The following FGFR2 variants were observed in gnomAD, a reference collection of about 807,000 sequenced individuals.
FGFR2 encodes the protein BEK fibroblast growth factor receptor.
In FGFR2, 19 loss-of-function variants were observed where a neutral mutation model predicts 95.9. The observed-to-expected ratio is 0.20, with a 90% CI of 0.14 to 0.29. The LOEUF (loss-of-function observed/expected upper bound fraction) is 0.29. Among genes scored for constraint, FGFR2 ranks in the 10% least tolerant of loss-of-function variants. The pLI is 1.00. For missense variants in FGFR2, 707 were observed against 1,056.9 expected, an observed-to-expected ratio of 0.67 and a Z score of 4.59; for synonymous variants, 392 against 393.3, an observed-to-expected ratio of 1.00 and a Z score of 0.04.
rs55723405 is a variant in FGFR2 at position 121,478,983 on chromosome 10, T to C, written c.*874A>G. The C allele has an allele frequency of 1.1e-4, 26 of 233,546 alleles. No individual in the cohort carries two copies. In the East Asian group the frequency reaches 1.6e-3, roughly 14 times the overall value. 14.5% of individuals were successfully genotyped at this position (233,546 alleles called of 1,614,324 possible). A position where few individuals can be genotyped will look rare whatever the true frequency, so the allele number is the denominator to read the frequency against. On this transcript the variant is annotated 3_prime_UTR_variant, in exon 18 of 18. Coordinates refer to ENST00000358487, the MANE Select transcript of FGFR2 (RefSeq NM_000141.5). ...CACACCAAAATGAAACACCTTCCTA[T>C]GAATGAGTTCTTTTAATATGGGGCA... is the stretch of plus-strand genomic sequence containing the variant.
At chr10:121,588,473 A>C (rs1246141276) in intron 2 of FGFR2, among the ~76,000 whole-genome samples, 1 of 152,130 alleles carries the variant, frequency 6.6e-6, no homozygotes, top group Non-Finnish European at 1.5e-5. Context: ...CAAGTCAGGG[A>C]GGAAGATGGT....
At chr10:121,535,642 G>A (rs1342579520) in intron 6 of FGFR2, among the ~76,000 whole-genome samples, 1 of 152,172 alleles carries the variant, frequency 6.6e-6, no homozygotes, top group African/African-American at 2.4e-5. Flanking sequence ...TACTTTAGGG[G>A]AGCCCATTTT....
intron 1 of FGFR2, among the ~76,000 whole-genome samples, chr10:121,594,755 G>T (rs1863186633): frequency 6.6e-6 from 1 of 152,232 alleles, no homozygotes; most frequent in Admixed American, 6.5e-5. Flanking sequence ...CTGTAGAAGG[G>T]TGAGGAAACT....
chr10:121,557,865 A>C (rs1402574032), intron 4 of FGFR2, among the ~76,000 whole-genome samples: 10 of 152,010 alleles, frequency 6.6e-5, no homozygotes, highest in Non-Finnish European at 1.5e-4. Flanking sequence ...AACTACCTTC[A>C]TTTTCCCTAG....
chr10:121,523,600 C>T (rs1430416744), intron 6 of FGFR2, among the ~76,000 whole-genome samples: 2 of 152,204 alleles, frequency 1.3e-5, no homozygotes, highest in Non-Finnish European at 2.9e-5. Context: ...AAACTATGCT[C>T]CTATGCACCT....
chr10:121,571,149 T>C (rs575629008), intron 2 of FGFR2, among the ~76,000 whole-genome samples: 39 of 146,956 alleles, frequency 2.7e-4, no homozygotes, highest in Admixed American at 1.5e-3. Context: ...CCACCACACC[T>C]GGCTAATTTT....
chr10:121,597,389 C>T (rs1023113633), intron 1 of FGFR2, among the ~76,000 whole-genome samples: 4 of 152,248 alleles, frequency 2.6e-5, no homozygotes, highest in African/African-American at 9.6e-5. Flanking sequence ...CCTCCAGCGC[C>T]GACGGCGGCT....
intron 6 of FGFR2, among the ~76,000 whole-genome samples, chr10:121,535,771 C>T (rs1852745026): frequency 6.6e-6 from 1 of 152,166 alleles, no homozygotes; most frequent in Admixed American, 6.5e-5. Flanking sequence ...AAAGGGCTCC[C>T]ATAAATGAAA....
At chr10:121,502,779 C>T (rs1017417161) in intron 10 of FGFR2, among the ~76,000 whole-genome samples, 5 of 152,174 alleles carry the variant, frequency 3.3e-5, no homozygotes, top group Non-Finnish European at 7.3e-5. Flanking sequence ...CCTTCCCGTA[C>T]TCTCAAGCTG....
intron 8 of FGFR2, among the ~76,000 whole-genome samples, chr10:121,515,702 C>T (rs551052462): frequency 3.3e-5 from 5 of 151,990 alleles, no homozygotes; most frequent in Non-Finnish European, 7.4e-5. Context: ...GAAATATCAA[C>T]GATGCCCACT....
intron 5 of FGFR2, among the ~76,000 whole-genome samples, chr10:121,544,056 G>A (rs7070241): frequency 6.6e-6 from 1 of 152,254 alleles, no homozygotes; most frequent in Admixed American, 6.5e-5. Context: ...TTATAGCAAG[G>A]ACTGGGACAG....
chr10:121,497,894 T>C (rs1000882901), intron 12 of FGFR2, among the ~76,000 whole-genome samples: 12 of 152,234 alleles, frequency 7.9e-5, no homozygotes, highest in Admixed American at 2.6e-4. Flanking sequence ...AATTACTATA[T>C]AGACCTACAA....
intron 14 of FGFR2, 114 bp downstream of exon 14, chr10:121,487,877 G>T: frequency 7.5e-7 from 1 of 1,327,666 alleles, no homozygotes; most frequent in Non-Finnish European, 1.1e-6. Context: ...AATCGGGGCA[G>T]GGGAATGGGT....
At chr10:121,497,896 G>C (rs1472920159) in intron 12 of FGFR2, among the ~76,000 whole-genome samples, 2 of 152,112 alleles carry the variant, frequency 1.3e-5, no homozygotes. Flanking sequence ...TTACTATATA[G>C]ACCTACAAGA....
intron 9 of FGFR2, among the ~76,000 whole-genome samples, chr10:121,504,341 G>A (rs41295585): frequency 4.3e-4 from 65 of 152,192 alleles, no homozygotes; most frequent in Admixed American, 6.5e-4. Context: ...CAGACCACCC[G>A]GATCATGGAT....
rs777638930 is a variant in FGFR2 at position 121,565,687 on chromosome 10, G to T, written c.127C>A (p.Gln43Lys). 25 of 1,614,054 alleles carry T rather than the reference G, an allele frequency of 1.5e-5. No homozygotes were observed. The highest frequency in any genetic ancestry group is 2.0e-5 in the Non-Finnish European group (24 of 1,180,044). Residue 43 changes from glutamine (Q) to lysine (K), a missense_variant, in exon 3 of 18, where the codon CAA becomes AAA. Physicochemically the swap from Gln to Lys is moderately conservative, Grantham distance 53. This residue lies in a region of FGFR2 where 178 missense variants were observed against 194.1 expected (regional missense o/e 0.92). Coordinates refer to ENST00000358487, the MANE Select transcript of FGFR2 (RefSeq NM_000141.5). The part of the protein sequence containing the change: ...LEPEEPPTKY[Q>K]ISQPEVYVAA... ...ACGTACACTTCTGGTTGAGAGATTTGGTATTTGGTTGGTGGCTCTGCAGAA... is the reference window on the plus strand; with the variant it reads ...ACGTACACTTCTGGTTGAGAGATTTTGTATTTGGTTGGTGGCTCTGCAGAA...
At chr10:121,584,277 T>C (rs1016515472) in intron 2 of FGFR2, among the ~76,000 whole-genome samples, 3 of 151,820 alleles carry the variant, frequency 2.0e-5, no homozygotes, top group African/African-American at 7.3e-5. Flanking sequence ...ATGGCAAGGA[T>C]GACCATACCA....
chr10:121,510,430 G>A (rs1848907966), intron 9 of FGFR2, among the ~76,000 whole-genome samples: 1 of 152,216 alleles, frequency 6.6e-6, no homozygotes, highest in Non-Finnish European at 1.5e-5. Flanking sequence ...GCAGATTCCA[G>A]TTAAGTCATC....
At chr10:121,490,768 A>T (rs2133870570) in intron 13 of FGFR2, among the ~76,000 whole-genome samples, 1 of 152,324 alleles carries the variant, frequency 6.6e-6, no homozygotes, top group Middle Eastern at 3.4e-3. Flanking sequence ...AAGCTACGTG[A>T]TCCCTGAAAT....
Sources: gnomAD v4.1 joint callset for allele counts (sites outside exome capture counted in the v4.1 genomes callset) on GRCh38, gnomAD v4.1.1 for gene constraint, gnomAD v4.1.1 regional missense constraint, MANE v1.5 for transcripts, NCBI Gene and HGNC (gene_info 2026-07-23, HGNC 2026-07-21) for gene names.